The following DPYSL5 variants were observed in gnomAD, a reference collection of about 807,000 sequenced individuals.
The protein encoded by DPYSL5 is dihydropyrimidinase like 5, also known as dihydropyrimidinase-related protein 5.
DPYSL5 carries 9 observed loss-of-function variants against 58.4 expected under a neutral mutation model. That is an observed-to-expected ratio of 0.15 (90% CI 0.09 to 0.27). The LOEUF is 0.27. Among genes scored for constraint, DPYSL5 ranks in the 10% least tolerant of loss-of-function variants. DPYSL5 has a pLI of 1.00. For synonymous variants in DPYSL5, 293 were observed against 301.9 expected (o/e 0.97, Z 0.31); for missense variants, 499 against 770.6 (o/e 0.65, Z 4.17).
At chr2:26,931,764 T>TCGGCCTCCCAAAGTGC in intron 6 of DPYSL5, 80 bp downstream of exon 6, 1 of 1,511,710 alleles carries the variant, frequency 6.6e-7, no homozygotes, top group Non-Finnish European at 9.2e-7. Context: ...TCCCAGCACT[T>TCGGCCTCCCAAAGTGC]TGGGAGGCCG....
At chr2:26,907,990 C>T (rs534294218) in intron 2 of DPYSL5, among the ~76,000 whole-genome samples, 8 of 152,102 alleles carry the variant, frequency 5.3e-5, no homozygotes, top group African/African-American at 1.7e-4. Flanking sequence ...TGCTGGAGTT[C>T]GGATTTCAGC....
intron 1 of DPYSL5, among the ~76,000 whole-genome samples, chr2:26,897,531 C>A (rs1201061988): frequency 1.3e-5 from 2 of 152,088 alleles, no homozygotes. Context: ...GTGTCTAATT[C>A]TTTTTAAATG....
chr2:26,932,123 GAGAAAGAAAGAAAGAGAAAGAA>G (rs1309324389), intron 6 of DPYSL5, among the ~76,000 whole-genome samples: 3 of 106,022 alleles, frequency 2.8e-5, no homozygotes, highest in Admixed American at 1.9e-4. Context: ...AAAAAAGAAA[GAGAAAGAAAGAAAGAGAAAGAA>G]AGAAAGAAAG....
At chr2:26,892,162 C>T (rs984112561) in intron 1 of DPYSL5, among the ~76,000 whole-genome samples, 1 of 152,192 alleles carries the variant, frequency 6.6e-6, no homozygotes, top group African/African-American at 2.4e-5. Flanking sequence ...ATTTTTATGA[C>T]CTTTAATGGG....
At chr2:26,894,591 A>G (rs971783394) in intron 1 of DPYSL5, among the ~76,000 whole-genome samples, 1 of 152,008 alleles carries the variant, frequency 6.6e-6, no homozygotes, top group East Asian at 1.9e-4. Flanking sequence ...ATTCTATGCT[A>G]CCTCCTTCGG....
chr2:26,932,586 T>C (rs1665061358), intron 6 of DPYSL5, among the ~76,000 whole-genome samples: 1 of 152,242 alleles, frequency 6.6e-6, no homozygotes, highest in African/African-American at 2.4e-5. Context: ...AATTACTTCC[T>C]GGTGGAACTT....
At chr2:26,887,430 C>T (rs1272409883) in intron 1 of DPYSL5, among the ~76,000 whole-genome samples, 1 of 152,226 alleles carries the variant, frequency 6.6e-6, no homozygotes, top group Admixed American at 6.5e-5. Context: ...TGTCTCACAC[C>T]TCCCCGCAGG....
intron 1 of DPYSL5, among the ~76,000 whole-genome samples, chr2:26,865,906 A>G (rs1382459342): frequency 6.6e-6 from 1 of 152,192 alleles, no homozygotes; most frequent in Non-Finnish European, 1.5e-5. Context: ...CTAAAATCTA[A>G]CAGATAGAGA....
intron 1 of DPYSL5, among the ~76,000 whole-genome samples, chr2:26,848,895 G>A (rs950253338): frequency 3.3e-5 from 5 of 152,210 alleles, no homozygotes; most frequent in Non-Finnish European, 7.4e-5. Context: ...CGGGCGCCGA[G>A]CCGGGTCCCT....
rs13017554 is a variant in DPYSL5, at chr2:26,948,114, C to T, written c.*1119C>T. 0.51 allele frequency: 79,112 copies of T among 153,668 alleles called. 22,083 individuals carry two copies. The highest frequency in any genetic ancestry group is 0.69 in the East Asian group (3,617 of 5,224). The allele number at this position is 153,668 out of a possible 1,614,324, so 9.5% of individuals were successfully genotyped here. A position where few individuals can be genotyped will look rare whatever the true frequency, so the allele number is the denominator to read the frequency against. ...ACACACACACACACACACACACGCA[C>T]GGCTTCCTATAACTTCTTCCTGCTG... On this transcript the variant is annotated 3_prime_UTR_variant, in exon 13 of 13. Coordinates refer to ENST00000288699, the MANE Select transcript of DPYSL5 (RefSeq NM_020134.4).
In DPYSL5 at chr2:26,942,698, C is replaced by G. The variant is rs1355787627; in HGVS notation, c.1388C>G (p.Pro463Arg). ...MCAEGTGKFC[P>R]LRSFPDTVYK... The stretch of plus-strand genomic sequence containing the variant: ...GCCGAGGGCACCGGCAAGTTCTGTC[C>G]CCTGAGGTCCTTCCCAGACACTGTC... The change falls in exon 11 of 13, where the codon CCC (proline) becomes CGC (arginine). Residue 463 changes from proline (P) to arginine (R), a missense_variant. Transcript: ENST00000288699. The surrounding 1 kb of genome is among the most constrained non-coding windows in gnomAD (Gnocchi z 5.9). 1 of 1,614,030 alleles carries G rather than the reference C, an allele frequency of 6.2e-7. No individual in the cohort carries two copies.
At chr2:26,919,995 C>T (rs1301977846) in intron 2 of DPYSL5, among the ~76,000 whole-genome samples, 1 of 151,782 alleles carries the variant, frequency 6.6e-6, no homozygotes, top group Non-Finnish European at 1.5e-5. Context: ...AGAATATAGA[C>T]AGTATGATAG....
chr2:26,940,647 G>C (rs1665294066), intron 9 of DPYSL5, among the ~76,000 whole-genome samples: 1 of 151,208 alleles, frequency 6.6e-6, no homozygotes, highest in Non-Finnish European at 1.5e-5. Flanking sequence ...TTTAATAACT[G>C]GCTTCATATT....
intron 1 of DPYSL5, among the ~76,000 whole-genome samples, chr2:26,853,437 C>T (rs1403544084): frequency 6.6e-6 from 1 of 152,156 alleles, no homozygotes; most frequent in Non-Finnish European, 1.5e-5. Flanking sequence ...GATTACTATG[C>T]ATTAGGTTAC....
At chr2:26,900,750 T>C (rs1664138325) in intron 2 of DPYSL5, among the ~76,000 whole-genome samples, 1 of 152,274 alleles carries the variant, frequency 6.6e-6, no homozygotes, top group African/African-American at 2.4e-5. Context: ...ACCAGTCCAT[T>C]CTGGGGTCCA....
At chr2:26,887,332 C>T (rs1663745667) in intron 1 of DPYSL5, among the ~76,000 whole-genome samples, 1 of 152,216 alleles carries the variant, frequency 6.6e-6, no homozygotes. Flanking sequence ...GCCCCAAGTT[C>T]CTGTGCCAAG....
At chr2:26,882,234 G>T (rs897217411) in intron 1 of DPYSL5, among the ~76,000 whole-genome samples, 1 of 151,340 alleles carries the variant, frequency 6.6e-6, no homozygotes, top group South Asian at 2.1e-4. Context: ...TGATTTTAAA[G>T]TACAATATTT....
At chr2:26,916,008 T>C (rs1457928212) in intron 2 of DPYSL5, among the ~76,000 whole-genome samples, 1 of 152,142 alleles carries the variant, frequency 6.6e-6, no homozygotes, top group Non-Finnish European at 1.5e-5. Flanking sequence ...ATTAGCAATT[T>C]TCATCAACAC....
chr2:26,920,129 G>A (rs187890203), intron 2 of DPYSL5, among the ~76,000 whole-genome samples: 74 of 152,112 alleles, frequency 4.9e-4, no homozygotes, highest in African/African-American at 1.7e-3. Context: ...AGGGAAGAGA[G>A]GGATGGGAAT....
Sources: allele counts gnomAD v4.1 joint callset (sites outside exome capture counted in the v4.1 genomes callset), GRCh38; gene constraint gnomAD v4.1.1; non-coding constraint Gnocchi (gnomAD v3.1); transcripts MANE v1.5; gene names NCBI Gene and HGNC (gene_info 2026-07-23, HGNC 2026-07-21).